NFU1: variants seen among roughly 807,000 people sequenced by gnomAD.
NFU1 encodes NFU1 iron-sulfur cluster scaffold homolog, mitochondrial.
In NFU1, 30 loss-of-function variants were observed where a neutral mutation model predicts 32.2. The ratio of observed to expected loss-of-function variants is 0.93; its 90% confidence interval spans 0.70 to 1.26. The LOEUF (loss-of-function observed/expected upper bound fraction) is 1.26. Ranked by LOEUF, NFU1 falls within the 50% of genes most tolerant of loss-of-function variation. The pLI is 0.00. For missense variants in NFU1, 306 were observed against 306.6 expected, an observed-to-expected ratio of 1.00 and a Z score of 0.02; for synonymous variants, 112 against 104.6, an observed-to-expected ratio of 1.07 and a Z score of -0.43.
intron 1 of NFU1, among the ~76,000 whole-genome samples, chr2:69,435,964 G>A (rs932215234): frequency 2.0e-5 from 3 of 146,496 alleles, no homozygotes; most frequent in Non-Finnish European, 3.0e-5. Context: ...GACTGGTCTC[G>A]AACTCCTGAC....
chr2:69,425,038 G>A (rs1392854108), intron 2 of NFU1, among the ~76,000 whole-genome samples: 3 of 151,766 alleles, frequency 2.0e-5, no homozygotes, highest in Admixed American at 1.3e-4. Context: ...TGCCATGCCC[G>A]GCTAATTTTT....
At chr2:69,417,368 C>A (rs1011849889) in intron 4 of NFU1, among the ~76,000 whole-genome samples, 1 of 151,562 alleles carries the variant, frequency 6.6e-6, no homozygotes, top group African/African-American at 2.4e-5. Flanking sequence ...GTGGGCCAGG[C>A]GTGGTGGCTC....
intron 7 of NFU1, chr2:69,399,124 C>T (rs1011352477): frequency 4.2e-6 from 1 of 236,466 alleles, no homozygotes; most frequent in Admixed American, 5.4e-5. Context: ...ATGGGAACTG[C>T]TTCAACCTGG....
At chr2:69,419,455 T>C in intron 4 of NFU1, 83 bp downstream of exon 4, 1 of 714,506 alleles carries the variant, frequency 1.4e-6, no homozygotes, top group Admixed American at 2.6e-5. Flanking sequence ...ACAGAAAGAA[T>C]GGAAATGTTG....
chr2:69,430,694 G>C (rs1270587156), intron 2 of NFU1, among the ~76,000 whole-genome samples: 4 of 152,206 alleles, frequency 2.6e-5, no homozygotes, highest in Non-Finnish European at 4.4e-5. Flanking sequence ...TCCAATTAAA[G>C]TGGTTTAATC....
intron 3 of NFU1, among the ~76,000 whole-genome samples, chr2:69,422,747 G>A (rs997643587): frequency 8.6e-5 from 13 of 151,696 alleles, no homozygotes; most frequent in African/African-American, 2.9e-4. Context: ...TCACTCGCTC[G>A]CCTAGGCTGG....
chr2:69,420,300 A>C (rs1209305364), intron 3 of NFU1, among the ~76,000 whole-genome samples: 1 of 152,180 alleles, frequency 6.6e-6, no homozygotes, highest in African/African-American at 2.4e-5. Context: ...ACCCAGCCTA[A>C]ACAGACTATT....
upstream of NFU1, chr2:69,437,770 T>G (rs996602734): frequency 3.2e-5 from 14 of 431,410 alleles, no homozygotes; most frequent in Admixed American, 4.2e-4. Context: ...ACCTGACCCA[T>G]TCCCTCCTCT....
intron 1 of NFU1, among the ~76,000 whole-genome samples, chr2:69,432,907 T>G (rs1673692778): frequency 6.6e-6 from 1 of 151,964 alleles, no homozygotes; most frequent in South Asian, 2.1e-4. Context: ...GCCAGCACTT[T>G]GGGAGGCCAA....
chr2:69,408,072 C>G (rs2104754288), intron 5 of NFU1, among the ~76,000 whole-genome samples: 1 of 151,158 alleles, frequency 6.6e-6, no homozygotes, highest in African/African-American at 2.4e-5. Context: ...AAAAGAAGCA[C>G]AAAAGCTAAA....
chr2:69,405,487 C>A (rs988411080), intron 6 of NFU1, among the ~76,000 whole-genome samples: 1 of 152,186 alleles, frequency 6.6e-6, no homozygotes, highest in Non-Finnish European at 1.5e-5. Flanking sequence ...CTTCCCTTCT[C>A]TCCAGGATCT....
intron 7 of NFU1, among the ~76,000 whole-genome samples, chr2:69,398,305 T>C (rs1488629423): frequency 6.6e-6 from 1 of 152,070 alleles, no homozygotes; most frequent in Non-Finnish European, 1.5e-5. Context: ...AAACAGAAGC[T>C]TTGGACCTGT....
chr2:69,420,650 G>C (rs1436997536), intron 3 of NFU1, among the ~76,000 whole-genome samples: 1 of 152,162 alleles, frequency 6.6e-6, no homozygotes, highest in Non-Finnish European at 1.5e-5. Flanking sequence ...GTCTATGACA[G>C]TAAATACATC....
chr2:69,437,313 G>A, intron 1 of NFU1, 48 bp downstream of exon 1: 2 of 1,579,514 alleles, frequency 1.3e-6, no homozygotes, highest in South Asian at 1.1e-5. Flanking sequence ...CGCTCCGCTG[G>A]CTAAGCCCAG....
In NFU1 at chr2:69,425,506, C is replaced by T. The variant is rs559722800; in HGVS notation, c.167-1789G>A. On this transcript the variant is annotated intron_variant, in intron 2 of 7. Coordinates refer to ENST00000410022, the MANE Select transcript of NFU1 (RefSeq NM_001002755.4). ...AGTAGCTGGGATTATAGGCATGCAC[C>T]ACCATGCCCGGCTAATTTTTGTATT... 2.9e-4 allele frequency among the ~76,000 whole-genome samples: 44 copies of T among 151,798 alleles called. No individual in the cohort carries two copies. The South Asian group carries it at 8.4e-3, about 29-fold the overall frequency.
intron 4 of NFU1, among the ~76,000 whole-genome samples, chr2:69,415,873 T>C (rs1673032938): frequency 6.6e-6 from 1 of 152,130 alleles, no homozygotes; most frequent in African/African-American, 2.4e-5. Flanking sequence ...TCATGCCTAA[T>C]CCCAACATTT....
intron 5 of NFU1, among the ~76,000 whole-genome samples, chr2:69,410,450 G>C (rs1672842772): frequency 6.6e-6 from 1 of 152,184 alleles, no homozygotes; most frequent in African/African-American, 2.4e-5. Context: ...ATGAACGCTG[G>C]AGGCAGATTG....
At position 69,415,193 on chromosome 2, in the gene NFU1, C is replaced by G. The variant is rs777232071; in HGVS notation, c.476G>C (p.Gly159Ala). 6.3e-7 allele frequency: 1 copy of G among 1,585,840 alleles called. No homozygotes were observed. The highest frequency in any genetic ancestry group is 8.7e-7 in the Non-Finnish European group (1 of 1,154,338). ...LPLVTEETPS[G>A]EAGSEEDDEV... ...TCAATACAACATGTTACCTGCTTCT[C>G]CTGAAGGTGTTTCCTCAGTAACCAG... Residue 159 changes from glycine (G) to alanine (A), a missense_variant, in exon 5 of 8, where the codon GGA (glycine) becomes GCA (alanine). Physicochemically the swap from Gly to Ala is moderately conservative, Grantham distance 60. Coordinates refer to ENST00000410022, the MANE Select transcript of NFU1 (RefSeq NM_001002755.4).
intron 5 of NFU1, among the ~76,000 whole-genome samples, chr2:69,412,989 G>A (rs955417143): frequency 2.6e-5 from 4 of 151,958 alleles, no homozygotes; most frequent in Non-Finnish European, 5.9e-5. Context: ...ATTAATCAAG[G>A]AAATGCAATT....
Sources: gnomAD v4.1 joint callset for allele counts (sites outside exome capture counted in the v4.1 genomes callset) on GRCh38, gnomAD v4.1.1 for gene constraint, MANE v1.5 for transcripts, NCBI Gene and HGNC (gene_info 2026-07-23, HGNC 2026-07-21) for gene names.